Variants in RIMS2 observed in about 807,000 individuals in gnomAD.
RIMS2 encodes regulating synaptic membrane exocytosis protein 2.
In RIMS2, 59 loss-of-function variants were observed where a neutral mutation model predicts 174.4. The observed-to-expected ratio is 0.34, with a 90% CI of 0.27 to 0.42. RIMS2 has a LOEUF of 0.42. Among genes scored for constraint, RIMS2 ranks in the 10% least tolerant of loss-of-function variants. The pLI, the probability that RIMS2 is intolerant of heterozygous loss-of-function variation, is 1.00. For synonymous variants in RIMS2, 606 were observed against 572.5 expected (o/e 1.06, Z -0.84); for missense variants, 1,620 against 1,666.3 (o/e 0.97, Z 0.48).
chr8:103,724,137 G>C lies in RIMS2; in HGVS notation c.387+26841G>C, dbSNP rs61339239. ...GGGGTGATGTAAATAATGTGAAACTGTCCTTCCTACCCTCTTCGATGTGTC... is the reference window on the plus strand; with the variant it reads ...GGGGTGATGTAAATAATGTGAAACTCTCCTTCCTACCCTCTTCGATGTGTC... On this transcript the variant is annotated intron_variant, in intron 2 of 23. Transcript: ENST00000504942. 1.1e-3 allele frequency among the ~76,000 whole-genome samples: 156 copies of C among 147,150 alleles called. 1 individual carries two copies. The highest frequency in any genetic ancestry group is 3.6e-3 in the African/African-American group (141 of 39,660).
intron 1 of RIMS2, among the ~76,000 whole-genome samples, chr8:103,542,344 A>G (rs1048070412): frequency 3.3e-5 from 5 of 152,200 alleles, no homozygotes; most frequent in Non-Finnish European, 5.9e-5. Flanking sequence ...AGAATCAGTA[A>G]TAATGTTTCC....
chr8:103,571,923 A>G (rs1466336526), intron 1 of RIMS2, among the ~76,000 whole-genome samples: 1 of 152,218 alleles, frequency 6.6e-6, no homozygotes, highest in Non-Finnish European at 1.5e-5. Flanking sequence ...GTTCCCTCAC[A>G]TATTTCTAAT....
intron 3 of RIMS2, among the ~76,000 whole-genome samples, chr8:103,799,098 GGGACCTT>G (rs2098583460): frequency 6.6e-6 from 1 of 151,892 alleles, no homozygotes; most frequent in Admixed American, 6.6e-5. Flanking sequence ...CAAGAAAATG[GGGACCTT>G]GGTCTTACAA....
intron 9 of RIMS2, among the ~76,000 whole-genome samples, chr8:103,919,065 T>A (rs1175121506): frequency 6.6e-6 from 1 of 152,164 alleles, no homozygotes; most frequent in Admixed American, 6.5e-5. Context: ...ATTTAAAAAA[T>A]TATTTTGAGT....
At chr8:103,654,934 C>T (rs1306531855) in intron 1 of RIMS2, among the ~76,000 whole-genome samples, 1 of 151,878 alleles carries the variant, frequency 6.6e-6, no homozygotes, top group African/African-American at 2.4e-5. Context: ...GTTTCCTAAA[C>T]ACTAGTTCAT....
intron 1 of RIMS2, among the ~76,000 whole-genome samples, chr8:103,647,520 C>T (rs535491727): frequency 6.6e-6 from 1 of 152,210 alleles, no homozygotes; most frequent in South Asian, 2.1e-4. Context: ...ATTTGTACCT[C>T]TGGTAGAATT....
At chr8:103,748,310 T>A (rs758667090) in intron 2 of RIMS2, among the ~76,000 whole-genome samples, 1 of 151,542 alleles carries the variant, frequency 6.6e-6, no homozygotes, top group Admixed American at 6.6e-5. Flanking sequence ...CTGGATCTGG[T>A]GGTGTGTGCC....
Position 103,589,755 on chromosome 8 carries a change from A to G in RIMS2, c.176+88693A>G, listed in dbSNP as rs139422828. Among the ~76,000 whole-genome samples, 181 of 151,784 alleles carry G rather than the reference A, an allele frequency of 1.2e-3. 1 individual carries two copies. Among genetic ancestry groups the G allele is most frequent in the African/African-American group, 3.8e-3 (159 of 41,540 alleles). On this transcript the variant is annotated intron_variant, in intron 1 of 23. Transcript: ENST00000504942. ...AATGGAATACTATTGAGTCATAAAA[A>G]AGAATGAGATTTACTCATTTGCAAT...
At chr8:103,640,877 A>G (rs1013547830) in intron 1 of RIMS2, among the ~76,000 whole-genome samples, 1 of 152,066 alleles carries the variant, frequency 6.6e-6, no homozygotes, top group Admixed American at 6.6e-5. Flanking sequence ...AATTTTATTT[A>G]TGCTGTTCAT....
intron 19 of RIMS2, among the ~76,000 whole-genome samples, chr8:104,069,344 C>T (rs1202978819): frequency 2.0e-5 from 3 of 151,952 alleles, no homozygotes; most frequent in South Asian, 2.1e-4. Context: ...TGTACATATT[C>T]ACGAAGTGCT....
intron 19 of RIMS2, among the ~76,000 whole-genome samples, chr8:104,156,148 G>C (rs79463812): frequency 6.6e-6 from 1 of 152,104 alleles, no homozygotes; most frequent in Non-Finnish European, 1.5e-5. Flanking sequence ...TAATACAAAA[G>C]TTCATTTATT....
chr8:103,856,342 CT>C (rs1323511190), intron 3 of RIMS2, among the ~76,000 whole-genome samples: 2 of 152,058 alleles, frequency 1.3e-5, no homozygotes, highest in Non-Finnish European at 2.9e-5. Context: ...ATGGTTGGAG[CT>C]TGTCTTTTTA....
intron 19 of RIMS2, among the ~76,000 whole-genome samples, chr8:104,150,696 T>C (rs2098682305): frequency 6.6e-6 from 1 of 152,160 alleles, no homozygotes; most frequent in Non-Finnish European, 1.5e-5. Context: ...ACATAAAATA[T>C]TGGACTAAAT....
chr8:103,642,745 C>A (rs999677518), intron 1 of RIMS2, among the ~76,000 whole-genome samples: 1 of 151,844 alleles, frequency 6.6e-6, no homozygotes, highest in Admixed American at 6.6e-5. Flanking sequence ...ATATTTCATT[C>A]TACCTTTTTC....
chr8:103,742,530 C>G (rs1048291978), intron 2 of RIMS2, among the ~76,000 whole-genome samples: 2 of 152,068 alleles, frequency 1.3e-5, no homozygotes, highest in African/African-American at 4.8e-5. Context: ...CAGGCAACAT[C>G]CTTTTAGCTT....
intron 19 of RIMS2, among the ~76,000 whole-genome samples, chr8:104,082,011 A>C (rs1040460262): frequency 6.6e-6 from 1 of 151,966 alleles, no homozygotes; most frequent in Admixed American, 6.6e-5. Flanking sequence ...GTGGTCATTC[A>C]TTCTCTCTCT....
intron 19 of RIMS2, among the ~76,000 whole-genome samples, chr8:104,212,086 A>G (rs2099108151): frequency 6.6e-6 from 1 of 152,186 alleles, no homozygotes; most frequent in Admixed American, 6.5e-5. Flanking sequence ...GAAAAGAAGT[A>G]AATTTCTGTG....
At chr8:103,801,375 T>C (rs967206091) in intron 3 of RIMS2, among the ~76,000 whole-genome samples, 1 of 152,208 alleles carries the variant, frequency 6.6e-6, no homozygotes, top group African/African-American at 2.4e-5. Context: ...ATATGGATAT[T>C]TTTACAGTCT....
At chr8:103,996,372 A>G (rs538470709) in intron 17 of RIMS2, among the ~76,000 whole-genome samples, 90 of 152,152 alleles carry the variant, frequency 5.9e-4, no homozygotes, top group African/African-American at 2.1e-3. Flanking sequence ...TAGTCTCACA[A>G]TGAACATATG....
Sources: allele counts gnomAD v4.1 joint callset (sites outside exome capture counted in the v4.1 genomes callset), GRCh38; gene constraint gnomAD v4.1.1; transcripts MANE v1.5; gene names NCBI Gene and HGNC (gene_info 2026-07-23, HGNC 2026-07-21).